MAP3K4: variants seen among roughly 807,000 people sequenced by gnomAD.
The protein encoded by MAP3K4 is mitogen-activated protein kinase kinase kinase 4.
A neutral mutation model predicts 185.6 loss-of-function variants in MAP3K4; 67 were observed. The ratio of observed to expected loss-of-function variants is 0.36; its 90% CI spans 0.30 to 0.44. The LOEUF (loss-of-function observed/expected upper bound fraction) is 0.44, where lower values mean the gene tolerates loss of function less well. Ranked by LOEUF, MAP3K4 falls within the 20% of genes least tolerant of loss-of-function variation. The probability of loss-of-function intolerance (pLI) is 1.00; values close to 1 mark genes in which losing one functional copy is unlikely to be tolerated. For synonymous variants in MAP3K4, 702 were observed against 710.4 expected, an observed-to-expected ratio of 0.99 and a Z score of 0.19; for missense variants, 1,551 against 1,995.1, an observed-to-expected ratio of 0.78 and a Z score of 4.24.
rs79284402 is a variant in MAP3K4 at position 161,026,606 on chromosome 6, T to C, written c.153-7653T>C. ...AGCACCCCTGCAATATGTCTTATTC[T>C]TTGTCTTCTGTTTTTAAGTACTCAA... On this transcript the variant is annotated intron_variant, in intron 1 of 26. Coordinates refer to ENST00000392142, the MANE Select transcript of MAP3K4 (RefSeq NM_005922.4). 7.6e-4 allele frequency among the ~76,000 whole-genome samples: 115 copies of C among 152,282 alleles called. 1 individual carries two copies. In the East Asian group the frequency reaches 0.019, roughly 25 times the overall value.
In MAP3K4 at chr6:161,109,734, T is replaced by C. The variant is rs973227660; in HGVS notation, c.4237-21T>C. ...CTAAGGAAAACCGTAAACACAGAGCTGCCCTTTATTCCTCCCACAGGAAGA... is the reference window on the plus strand; with the variant it reads ...CTAAGGAAAACCGTAAACACAGAGCCGCCCTTTATTCCTCCCACAGGAAGA... On this transcript the variant is annotated intron_variant, in intron 22 of 26. Coordinates refer to ENST00000392142, the MANE Select transcript of MAP3K4 (RefSeq NM_005922.4). This position sits in a 1 kb window ranked among gnomAD's most constrained non-coding sequence, Gnocchi z 5.7. 1.2e-6 allele frequency: 2 copies of C among 1,613,864 alleles called. No homozygotes were observed. Among genetic ancestry groups the C allele is most frequent in the African/African-American group, 2.7e-5 (2 of 74,920 alleles).
rs559350806 is a variant in MAP3K4, at chr6:161,059,591, A to G, written c.1707+9612A>G. Among the ~76,000 whole-genome samples, 416 of 152,048 alleles carry G rather than the reference A, an allele frequency of 2.7e-3. 1 individual carries two copies. Among genetic ancestry groups the G allele is most frequent in the Non-Finnish European group, 4.4e-3 (300 of 67,970 alleles). On this transcript the variant is annotated intron_variant, in intron 3 of 26. Coordinates refer to ENST00000392142, the MANE Select transcript of MAP3K4 (RefSeq NM_005922.4). ...TTGGAACTATTTATGAATTTTATTC[A>G]TTTTTCTATGATGGTTGTAAATACT...
In MAP3K4 at chr6:161,064,347, G is replaced by A. The variant is rs1241633675; in HGVS notation, c.1708-6261G>A. 1.3e-5 allele frequency among the ~76,000 whole-genome samples: 2 copies of A among 152,132 alleles called. No homozygotes were observed. The highest frequency in any genetic ancestry group is 2.9e-5 in the Non-Finnish European group (2 of 68,022). On this transcript the variant is annotated intron_variant, in intron 3 of 26. Transcript: ENST00000392142. The surrounding 1 kb of genome is among the most constrained non-coding windows in gnomAD (Gnocchi z 4.3). Reference sequence around the variant, plus strand: ...TGCATAATTTTAGAAATGAATACTTGTGATACTGTGAGGTATAGTATGAGG... The same window carrying A: ...TGCATAATTTTAGAAATGAATACTTATGATACTGTGAGGTATAGTATGAGG...
Position 161,063,653 on chromosome 6 carries a change from A to G in MAP3K4, c.1708-6955A>G, listed in dbSNP as rs1296545466. On this transcript the variant is annotated intron_variant, in intron 3 of 26. Transcript: ENST00000392142. This position sits in a 1 kb window ranked among gnomAD's most constrained non-coding sequence, Gnocchi z 5.4. ...ACTTTTTTTCCTCGATGTGGAGCCG[A>G]GAATTCCTGGAAGGGAATTTGGGGT... is the stretch of plus-strand genomic sequence containing the variant. Among the ~76,000 whole-genome samples the G allele has an allele frequency of 6.6e-6, 1 of 152,000 alleles. No individual in the cohort carries two copies. Among genetic ancestry groups the G allele is most frequent in the Non-Finnish European group, 1.5e-5 (1 of 68,000 alleles).
rs748089569 is a variant in MAP3K4 at position 161,080,203 on chromosome 6, C to T, written c.2098-678C>T. ...TCTTTTAAGTAAAGGAGTCCATAGA[C>T]AGGGTTGTTCTAGAAGGTGGCCATT... On this transcript the variant is annotated intron_variant, in intron 5 of 26. Transcript: ENST00000392142. This position sits in a 1 kb window ranked among gnomAD's most constrained non-coding sequence, Gnocchi z 4.8. Among the ~76,000 whole-genome samples, 2 of 152,172 alleles carry T rather than the reference C, an allele frequency of 1.3e-5. No homozygotes were observed. The highest frequency in any genetic ancestry group is 2.9e-5 in the Non-Finnish European group (2 of 68,034).
In MAP3K4 at chr6:161,048,594, T is replaced by C; in HGVS notation, c.344-22T>C. ...CATATTTTAGAGTTATATAATGTTC[T>C]GTTTATTTTTTTTTTTAATAGAAAA... On this transcript the variant is annotated intron_variant, in intron 2 of 26. Coordinates refer to ENST00000392142, the MANE Select transcript of MAP3K4 (RefSeq NM_005922.4). The surrounding 1 kb of genome is among the most constrained non-coding windows in gnomAD (Gnocchi z 4.7). 1 of 1,470,100 alleles carries C rather than the reference T, an allele frequency of 6.8e-7. No homozygotes were observed. Among genetic ancestry groups the C allele is most frequent in the Non-Finnish European group, 9.2e-7 (1 of 1,088,014 alleles). The allele number at this position is 1,470,100 out of a possible 1,614,324, so 91.1% of individuals were successfully genotyped here. A position where few individuals can be genotyped will look rare whatever the true frequency, so the allele number is the denominator to read the frequency against.
At chr6:161,001,129 T>C (rs1781301912) in intron 1 of MAP3K4, among the ~76,000 whole-genome samples, 1 of 146,130 alleles carries the variant, frequency 6.8e-6, no homozygotes. Flanking sequence ...ACATATATAA[T>C]ACAAGTGTAT....
At chr6:161,004,978 A>G (rs1232447171) in intron 1 of MAP3K4, among the ~76,000 whole-genome samples, 2 of 152,204 alleles carry the variant, frequency 1.3e-5, no homozygotes, top group East Asian at 1.9e-4. Context: ...TCAGTATAAC[A>G]TTTGATACTA....
chr6:161,058,058 A>G (rs73784732), intron 3 of MAP3K4, among the ~76,000 whole-genome samples: 3,413 of 152,320 alleles, frequency 0.022, 114 homozygotes, highest in African/African-American at 0.074. Flanking sequence ...CACTCGCTAC[A>G]TGCCGGGGCA....
Position 161,112,876 on chromosome 6 carries a change from A to T in MAP3K4, c.4626+102A>T. ...ATTATTTATTACAAACACTGTGGAC[A>T]CTAAATAGCGAACGATATTAGATAC... is the stretch of plus-strand genomic sequence containing the variant. On this transcript the variant is annotated intron_variant, in intron 25 of 26. Transcript: ENST00000392142. This position sits in a 1 kb window ranked among gnomAD's most constrained non-coding sequence, Gnocchi z 5.1. 1.5e-6 allele frequency: 1 copy of T among 673,110 alleles called. No homozygotes were observed. 41.7% of individuals were successfully genotyped at this position (673,110 alleles called of 1,614,324 possible).
chr6:160,991,977 G>C lies in MAP3K4; in HGVS notation c.46G>C (p.Val16Leu). 6.5e-7 allele frequency: 1 copy of C among 1,543,582 alleles called. No homozygotes were observed. The highest frequency in any genetic ancestry group is 8.7e-7 in the Non-Finnish European group (1 of 1,152,648). The change falls in exon 1 of 27, where the codon GTC becomes CTC. Residue 16 changes from valine to leucine, a missense_variant. Physicochemically the swap from Val to Leu is conservative, Grantham distance 32. This residue lies in a region of MAP3K4 where 287 missense variants were observed against 268.8 expected (regional missense o/e 1.07). Coordinates refer to ENST00000392142, the MANE Select transcript of MAP3K4 (RefSeq NM_005922.4). This position sits in a 1 kb window ranked among gnomAD's most constrained non-coding sequence, Gnocchi z 5.7. ...GCTGGTCCCTCCTCCCGCCTTTGCC[G>C]TCACGCCTGCCGCCGCCATGGAGGA... ...AALVPPPAFA[V>L]TPAAAMEEPP... is the part of the protein sequence containing the mutation.
Position 161,107,045 on chromosome 6 carries a change from CG to C in MAP3K4, c.4048+341del, listed in dbSNP as rs1778108102. On this transcript the variant is annotated intron_variant, in intron 20 of 26. Transcript: ENST00000392142. The surrounding 1 kb of genome is among the most constrained non-coding windows in gnomAD (Gnocchi z 6.2). ...GTTTCTCTCTCTCTCTCTACACACG[CG>C]CGCGCACACACACACACACACACAC... 9.2e-5 allele frequency among the ~76,000 whole-genome samples: 2 copies of C among 21,774 alleles called. No individual in the cohort carries two copies. The highest frequency in any genetic ancestry group is 2.0e-4 in the Non-Finnish European group (2 of 10,004). 14.3% of individuals were successfully genotyped at this position (21,774 alleles called of 152,430 possible). A position where few individuals can be genotyped will look rare whatever the true frequency, so the allele number is the denominator to read the frequency against.
At chr6:160,994,494 A>G (rs570508097) in intron 1 of MAP3K4, among the ~76,000 whole-genome samples, 1 of 152,148 alleles carries the variant, frequency 6.6e-6, no homozygotes, top group Non-Finnish European at 1.5e-5. Flanking sequence ...GTAGTAGTCC[A>G]TGGTGTATAT....
Position 161,088,232 on chromosome 6 carries a change from T to C in MAP3K4, c.2823+278T>C, listed in dbSNP as rs146707610. ...TCATGTAGTTAGATCTGTGGAGCTA[T>C]GATCTAAAAGGAGTTATGTCACTAA... On this transcript the variant is annotated intron_variant, in intron 10 of 26. Coordinates refer to ENST00000392142, the MANE Select transcript of MAP3K4 (RefSeq NM_005922.4). The surrounding 1 kb of genome is among the most constrained non-coding windows in gnomAD (Gnocchi z 4.5). Among the ~76,000 whole-genome samples, 106 of 152,332 alleles carry C rather than the reference T, an allele frequency of 7.0e-4. 1 individual carries two copies. Among genetic ancestry groups the C allele is most frequent in the African/African-American group, 2.5e-3 (102 of 41,572 alleles).
At chr6:161,006,824 G>C (rs1002207377) in intron 1 of MAP3K4, among the ~76,000 whole-genome samples, 6 of 151,506 alleles carry the variant, frequency 4.0e-5, no homozygotes, top group African/African-American at 1.5e-4. Flanking sequence ...TCAAGCATAC[G>C]CAAATGTAAC....
At chr6:161,039,352 G>T (rs538694246) in intron 2 of MAP3K4, among the ~76,000 whole-genome samples, 6 of 151,628 alleles carry the variant, frequency 4.0e-5, no homozygotes, top group Admixed American at 2.6e-4. Context: ...TAACTGAGGG[G>T]ACTATTTAGA....
In MAP3K4 at chr6:161,115,589, A is replaced by G. The variant is rs752065425; in HGVS notation, c.4806+287A>G. On this transcript the variant is annotated intron_variant, in intron 26 of 26. Coordinates refer to ENST00000392142, the MANE Select transcript of MAP3K4 (RefSeq NM_005922.4). The surrounding 1 kb of genome is among the most constrained non-coding windows in gnomAD (Gnocchi z 6.0). ...AAAGAGTTTCCACTCTTGAGAGTGT[A>G]TAGTCTACTTGGAGGGTCAAGACGG... 1.3e-5 allele frequency among the ~76,000 whole-genome samples: 2 copies of G among 152,218 alleles called. No homozygotes were observed. The highest frequency in any genetic ancestry group is 6.5e-5 in the Admixed American group (1 of 15,282).
rs11966991 is a variant in MAP3K4, at chr6:161,103,035, A to T, written c.3856+256A>T. On this transcript the variant is annotated intron_variant, in intron 19 of 26. Transcript: ENST00000392142. The surrounding 1 kb of genome is among the most constrained non-coding windows in gnomAD (Gnocchi z 4.6). ...TACTCATCTTTATATTCTTAAAGCAACTTAGCATAATTTTTTGTCCATGGT... is the reference window on the plus strand; with the variant it reads ...TACTCATCTTTATATTCTTAAAGCATCTTAGCATAATTTTTTGTCCATGGT... Among the ~76,000 whole-genome samples the T allele has an allele frequency of 0.023, 3,459 of 152,302 alleles. 140 individuals are homozygous for T. The highest frequency in any genetic ancestry group is 0.08 in the African/African-American group (3,321 of 41,550).
chr6:160,999,542 A>G (rs1364864628), intron 1 of MAP3K4, among the ~76,000 whole-genome samples: 3 of 152,222 alleles, frequency 2.0e-5, no homozygotes, highest in African/African-American at 7.2e-5. Flanking sequence ...GCCATTGCTT[A>G]TAGAATTACA....
Sources: gnomAD v4.1 joint callset for allele counts (sites outside exome capture counted in the v4.1 genomes callset) on GRCh38, gnomAD v4.1.1 for gene constraint, gnomAD v4.1.1 regional missense constraint, Gnocchi (gnomAD v3.1) non-coding constraint, MANE v1.5 for transcripts, NCBI Gene and HGNC (gene_info 2026-07-23, HGNC 2026-07-21) for gene names.